The following RPF2 variants were observed in gnomAD, a reference collection of about 807,000 sequenced individuals.
RPF2 encodes the protein ribosome production factor 2 homolog.
In RPF2, 21 loss-of-function variants were observed where a neutral mutation model predicts 38.9. The observed-to-expected ratio is 0.54, with a 90% CI of 0.38 to 0.78. The LOEUF is 0.78. Among genes scored for constraint, RPF2 ranks in the 30% least tolerant of loss-of-function variants. The pLI is 0.00. For missense variants in RPF2, 314 were observed against 358.1 expected (o/e 0.88, Z 0.99); for synonymous variants, 121 against 126.2 (o/e 0.96, Z 0.28).
intron 4 of RPF2, among the ~76,000 whole-genome samples, chr6:110,994,734 T>TACACACAC (rs71021820): frequency 0.11 from 14,709 of 133,882 alleles, 957 homozygotes; most frequent in East Asian, 0.16. Context: ...TGAGTATATA[T>TACACACAC]ACACACACAC....
chr6:111,008,080 G>C lies in RPF2; in HGVS notation c.436G>C (p.Ala146Pro). The C allele has an allele frequency of 6.3e-7, 1 of 1,587,316 alleles. No homozygotes were observed. Among genetic ancestry groups the C allele is most frequent in the Non-Finnish European group, 8.5e-7 (1 of 1,169,976 alleles). ...GGGAACAAAACCCATGCTGATATTT[G>C]CTGGCGATGATTTCGATGTAACAGA... ...PEGTKPMLIF[A>P]GDDFDVTEDY... The change falls in exon 7 of 10, where the codon GCT becomes CCT. Residue 146 changes from alanine to proline, a missense_variant. Coordinates refer to ENST00000441448, the MANE Select transcript of RPF2 (RefSeq NM_032194.3).
At chr6:111,008,200 G>A in intron 7 of RPF2, 63 bp downstream of exon 7, 2 of 1,481,160 alleles carry the variant, frequency 1.4e-6, no homozygotes, top group Non-Finnish European at 1.8e-6. Context: ...GACTCTCACT[G>A]GTGGCACTTT....
intron 7 of RPF2, among the ~76,000 whole-genome samples, chr6:111,012,268 T>C (rs1417232439): frequency 6.6e-6 from 1 of 151,122 alleles, no homozygotes; most frequent in Non-Finnish European, 1.5e-5. Flanking sequence ...CTTTCTGGTC[T>C]CAAGCAATCC....
intron 8 of RPF2, among the ~76,000 whole-genome samples, chr6:111,016,893 G>A (rs1415479801): frequency 1.3e-5 from 2 of 151,566 alleles, no homozygotes; most frequent in South Asian, 2.1e-4. Context: ...CTCTTAACAA[G>A]CATGCTGCCT....
At chr6:111,002,628 C>T (rs1230840562) in intron 6 of RPF2, among the ~76,000 whole-genome samples, 2 of 152,184 alleles carry the variant, frequency 1.3e-5, no homozygotes, top group African/African-American at 4.8e-5. Context: ...CCACTGCACC[C>T]AGCCCAGGTC....
intron 6 of RPF2, among the ~76,000 whole-genome samples, chr6:111,004,277 G>A (rs1201173850): frequency 6.6e-6 from 1 of 151,842 alleles, no homozygotes; most frequent in African/African-American, 2.4e-5. Flanking sequence ...CCGCCTCCTG[G>A]GTTCACGCGA....
intron 3 of RPF2, among the ~76,000 whole-genome samples, chr6:110,989,685 G>T (rs1204101561): frequency 6.6e-6 from 1 of 151,086 alleles, no homozygotes; most frequent in Non-Finnish European, 1.5e-5. Context: ...GAGTGCAGTG[G>T]CATGATCTCG....
Position 111,027,690 on chromosome 6 carries a change from CTT to C in RPF2, c.*2109_*2110del, listed in dbSNP as rs1772358273. The C allele has an allele frequency of 6.6e-6, 1 of 152,158 alleles. No individual in the cohort carries two copies. Among genetic ancestry groups the C allele is most frequent in the African/African-American group, 2.4e-5 (1 of 41,432 alleles). 9.4% of individuals were successfully genotyped at this position (152,158 alleles called of 1,614,324 possible). A position where few individuals can be genotyped will look rare whatever the true frequency, so the allele number is the denominator to read the frequency against. On this transcript the variant is annotated 3_prime_UTR_variant, in exon 10 of 10. Transcript: ENST00000441448. ...GTTTTTGTTTGTTTTAATCAGCCCT[CTT>C]GTTTGAGATTTGGCAATACATTTCT...
chr6:110,982,513 TA>T, intron 1 of RPF2: 7 of 249,856 alleles, frequency 2.8e-5, no homozygotes, highest in South Asian at 1.3e-4. Flanking sequence ...GGTCATTAAA[TA>T]TCTCTAAATC....
intron 7 of RPF2, 127 bp downstream of exon 7, chr6:111,008,264 A>G: frequency 9.6e-7 from 1 of 1,046,028 alleles, no homozygotes; most frequent in Non-Finnish European, 1.3e-6. Flanking sequence ...TAATATTTAT[A>G]TACTTAAAAT....
chr6:110,992,773 C>A (rs569885977), intron 4 of RPF2, among the ~76,000 whole-genome samples: 1 of 152,046 alleles, frequency 6.6e-6, no homozygotes, highest in African/African-American at 2.4e-5. Context: ...ATATTGGTTT[C>A]TTCCTTAAGA....
Position 111,025,575 on chromosome 6 carries a change from A to T in RPF2, c.914A>T (p.Lys305Ile). Reference sequence around the variant, plus strand: ...GAGAAAAAGTCAAAAAGAATTAAAAAAAATTGATGGAACTTAGCCAGCCAC... The same window carrying T: ...GAGAAAAAGTCAAAAAGAATTAAAATAAATTGATGGAACTTAGCCAGCCAC... ...DHEKKSKRIKKN is the reference protein window; with the variant it reads ...DHEKKSKRIKIN The change falls in exon 10 of 10, where the codon AAA becomes ATA. Residue 305 changes from lysine (K) to isoleucine (I), a missense_variant. Coordinates refer to ENST00000441448, the MANE Select transcript of RPF2 (RefSeq NM_032194.3). 1 of 1,604,902 alleles carries T rather than the reference A, an allele frequency of 6.2e-7. No homozygotes were observed. Among genetic ancestry groups the T allele is most frequent in the East Asian group, 2.2e-5 (1 of 44,778 alleles).
At chr6:110,984,019 ACT>A (rs1222342711) in intron 1 of RPF2, among the ~76,000 whole-genome samples, 3 of 152,026 alleles carry the variant, frequency 2.0e-5, no homozygotes, top group African/African-American at 7.2e-5. Context: ...ACAGAGCGAG[ACT>A]CTGTCTCAAA....
At chr6:110,995,812 C>T (rs1039967838) in intron 4 of RPF2, among the ~76,000 whole-genome samples, 1 of 151,984 alleles carries the variant, frequency 6.6e-6, no homozygotes, top group Non-Finnish European at 1.5e-5. Flanking sequence ...GATAAGATCT[C>T]TCTCTTTCTT....
intron 8 of RPF2, among the ~76,000 whole-genome samples, chr6:111,021,056 CTAT>C (rs1772223517): frequency 6.6e-6 from 1 of 152,084 alleles, no homozygotes; most frequent in Admixed American, 6.5e-5. Flanking sequence ...GTAATCCCAG[CTAT>C]TCAGGGGGCC....
Position 111,025,623 on chromosome 6 carries a change from T to A in RPF2, c.*41T>A. ...CACTACTGTTTCATTGTGTTCTACTTAAGAGAATTATCAAGCGTCAATCCA... is the reference window on the plus strand; with the variant it reads ...CACTACTGTTTCATTGTGTTCTACTAAAGAGAATTATCAAGCGTCAATCCA... On this transcript the variant is annotated 3_prime_UTR_variant, in exon 10 of 10. Coordinates refer to ENST00000441448, the MANE Select transcript of RPF2 (RefSeq NM_032194.3). The A allele has an allele frequency of 6.9e-7, 1 of 1,454,594 alleles. No homozygotes were observed. Among genetic ancestry groups the A allele is most frequent in the Non-Finnish European group, 9.4e-7 (1 of 1,063,446 alleles). 90.1% of individuals were successfully genotyped at this position (1,454,594 alleles called of 1,614,324 possible). A position where few individuals can be genotyped will look rare whatever the true frequency, so the allele number is the denominator to read the frequency against.
chr6:111,025,655 G>A lies in RPF2; in HGVS notation c.*73G>A, dbSNP rs899824471. 1.5e-5 allele frequency: 16 copies of A among 1,099,792 alleles called. 1 individual carries two copies. The South Asian group carries it at 2.2e-4, about 15-fold the overall frequency. 68.1% of individuals were successfully genotyped at this position (1,099,792 alleles called of 1,614,324 possible). A position where few individuals can be genotyped will look rare whatever the true frequency, so the allele number is the denominator to read the frequency against. ...ATTATCAAGCGTCAATCCATTCAGA[G>A]TTTCTTATAAGATCTTATTATATAT... On this transcript the variant is annotated 3_prime_UTR_variant, in exon 10 of 10. Transcript: ENST00000441448.
chr6:111,007,918 G>A, intron 6 of RPF2, 120 bp from the exon 7 acceptor site: 1 of 1,169,310 alleles, frequency 8.6e-7, no homozygotes. Context: ...CTGCACTCCA[G>A]CCTGGATGAC....
intron 4 of RPF2, among the ~76,000 whole-genome samples, chr6:110,996,590 C>T (rs988541537): frequency 4.6e-5 from 7 of 152,176 alleles, no homozygotes; most frequent in Non-Finnish European, 1.0e-4. Context: ...AAAATGACAG[C>T]ATAACAAAAT....
Sources: gnomAD v4.1 joint callset for allele counts (sites outside exome capture counted in the v4.1 genomes callset) on GRCh38, gnomAD v4.1.1 for gene constraint, MANE v1.5 for transcripts, NCBI Gene and HGNC (gene_info 2026-07-23, HGNC 2026-07-21) for gene names.